Variants in GRM4 observed in about 807,000 individuals in gnomAD.
GRM4 encodes glutamate metabotropic receptor 4, also known as metabotropic glutamate receptor 4.
In GRM4, 28 loss-of-function variants were observed where a neutral mutation model predicts 81.7. The observed-to-expected ratio is 0.34, with a 90% CI of 0.25 to 0.47. GRM4 has a LOEUF of 0.47. Among genes scored for constraint, GRM4 ranks in the 20% least tolerant of loss-of-function variants. The pLI, the probability that GRM4 is intolerant of heterozygous loss-of-function variation, is 1.00. For synonymous variants in GRM4, 488 were observed against 528.8 expected, an observed-to-expected ratio of 0.92 and a Z score of 1.06; for missense variants, 948 against 1,290.0, an observed-to-expected ratio of 0.73 and a Z score of 4.06.
At chr6:34,120,239 C>G (rs1241825359) in intron 2 of GRM4, among the ~76,000 whole-genome samples, 1 of 148,672 alleles carries the variant, frequency 6.7e-6, no homozygotes, top group African/African-American at 2.5e-5. Context: ...CCTCAGGCAC[C>G]CCTCTCCAGC....
intron 5 of GRM4, 152 bp from the exon 6 acceptor site, chr6:34,056,836 AG>A: frequency 2.3e-6 from 2 of 865,978 alleles, no homozygotes; most frequent in Non-Finnish European, 3.5e-6. Context: ...CAAAATGTGG[AG>A]CATTTCGTTT....
intron 3 of GRM4, among the ~76,000 whole-genome samples, chr6:34,073,135 A>ACG (rs1182194946): frequency 6.9e-5 from 9 of 130,956 alleles, no homozygotes; most frequent in African/African-American, 2.7e-4. Flanking sequence ...CACACCACAC[A>ACG]CACACACACA....
At position 34,034,714 on chromosome 6, in the gene GRM4, C is replaced by A. The variant is rs1764602395; in HGVS notation, c.2442+954G>T. On this transcript the variant is annotated intron_variant, in intron 9 of 10. Transcript: ENST00000538487. The surrounding 1 kb of genome is among the most constrained non-coding windows in gnomAD (Gnocchi z 4.0). ...CCTGGAAAGACTGCAGGGAAAGGGA[C>A]ATGGTCCCAATTTACTGATGAAGAA... Among the ~76,000 whole-genome samples the A allele has an allele frequency of 6.6e-6, 1 of 152,248 alleles. No homozygotes were observed. Among genetic ancestry groups the A allele is most frequent in the South Asian group, 2.1e-4 (1 of 4,838 alleles).
At position 34,022,222 on chromosome 6, in the gene GRM4, A is replaced by G; in HGVS notation, c.*599T>C. 1 of 154,454 alleles carries G rather than the reference A, an allele frequency of 6.5e-6. No homozygotes were observed. Among genetic ancestry groups the G allele is most frequent in the Non-Finnish European group, 1.4e-5 (1 of 69,290 alleles). 9.6% of individuals were successfully genotyped at this position (154,454 alleles called of 1,614,324 possible). On this transcript the variant is annotated 3_prime_UTR_variant, in exon 11 of 11. Transcript: ENST00000538487. The surrounding 1 kb of genome is among the most constrained non-coding windows in gnomAD (Gnocchi z 5.6). ...GTTTGGTGAACTGGGGAAGGGTGGCAGGGAGAGGGGAGCAATGGCTGGACG... is the reference window on the plus strand; with the variant it reads ...GTTTGGTGAACTGGGGAAGGGTGGCGGGGAGAGGGGAGCAATGGCTGGACG...
At chr6:34,032,413 C>A (rs1239800265) in intron 9 of GRM4, among the ~76,000 whole-genome samples, 1 of 152,244 alleles carries the variant, frequency 6.6e-6, no homozygotes, top group Non-Finnish European at 1.5e-5. Context: ...TGCACTGGGG[C>A]ATCTTGCAGC....
At chr6:34,145,891 C>T (rs1453162977) in intron 1 of GRM4, 109 bp downstream of exon 1, 2 of 642,324 alleles carry the variant, frequency 3.1e-6, no homozygotes, top group Non-Finnish European at 3.9e-6. Flanking sequence ...GCTCCGCCAC[C>T]CCTCCACACC....
chr6:34,069,647 AGTGTGTGTGT>A lies in GRM4; in HGVS notation c.737-7629_737-7620del, dbSNP rs3222082. The stretch of plus-strand genomic sequence containing the variant: ...GGCTTTACAACCCTTGGCAGCCCCC[AGTGTGTGTGT>A]GTGTGTGTGTGTGTGTGTGTGTGTG... On this transcript the variant is annotated intron_variant, in intron 3 of 10. Coordinates refer to ENST00000538487, the MANE Select transcript of GRM4 (RefSeq NM_000841.4). This position sits in a 1 kb window ranked among gnomAD's most constrained non-coding sequence, Gnocchi z 6.4. Among the ~76,000 whole-genome samples, 5,468 of 144,476 alleles carry A rather than the reference AGTGTGTGTGT, an allele frequency of 0.038. 174 individuals are homozygous for A. Among genetic ancestry groups the A allele is most frequent in the East Asian group, 0.16 (788 of 4,906 alleles). The allele number at this position is 144,476 out of a possible 152,430, so 94.8% of individuals were successfully genotyped here. A position where few individuals can be genotyped will look rare whatever the true frequency, so the allele number is the denominator to read the frequency against.
chr6:34,140,296 GC>G (rs2127516054), intron 1 of GRM4, among the ~76,000 whole-genome samples: 1 of 151,206 alleles, frequency 6.6e-6, no homozygotes, highest in East Asian at 2.0e-4. Flanking sequence ...GAGCAAGGAG[GC>G]CAACGTGACC....
At chr6:34,123,226 G>T (rs917170433) in intron 2 of GRM4, among the ~76,000 whole-genome samples, 1 of 152,170 alleles carries the variant, frequency 6.6e-6, no homozygotes, top group African/African-American at 2.4e-5. Context: ...CCCAGCGCCC[G>T]CAGCAGGGCC....
chr6:34,115,401 G>T lies in GRM4; in HGVS notation c.519+17577C>A, dbSNP rs1321977962. Among the ~76,000 whole-genome samples the T allele has an allele frequency of 1.3e-5, 2 of 152,116 alleles. No homozygotes were observed. Among genetic ancestry groups the T allele is most frequent in the Admixed American group, 6.5e-5 (1 of 15,274 alleles). On this transcript the variant is annotated intron_variant, in intron 2 of 10. Coordinates refer to ENST00000538487, the MANE Select transcript of GRM4 (RefSeq NM_000841.4). This position sits in a 1 kb window ranked among gnomAD's most constrained non-coding sequence, Gnocchi z 4.1. ...CTTCAATTAAAATATCACGGCACCC[G>T]CACCGTCTGCCCGGCCACATGCCCA...
Position 34,036,766 on chromosome 6 carries a change from G to A in GRM4, c.1507-163C>T, listed in dbSNP as rs1764737181. ...CCACAGGGACTTACTGAATCTAACAGCTGGAGTTAAAAAAGGTCTCCGGCA... is the reference window on the plus strand; with the variant it reads ...CCACAGGGACTTACTGAATCTAACAACTGGAGTTAAAAAAGGTCTCCGGCA... On this transcript the variant is annotated intron_variant, in intron 8 of 10. Transcript: ENST00000538487. The surrounding 1 kb of genome is among the most constrained non-coding windows in gnomAD (Gnocchi z 9.0). Among the ~76,000 whole-genome samples the A allele has an allele frequency of 6.6e-6, 1 of 152,184 alleles. No homozygotes were observed. Among genetic ancestry groups the A allele is most frequent in the Non-Finnish European group, 1.5e-5 (1 of 68,040 alleles).
chr6:34,140,568 G>T (rs1770638371), intron 1 of GRM4, among the ~76,000 whole-genome samples: 1 of 152,136 alleles, frequency 6.6e-6, no homozygotes. Context: ...TCCCTGCTCA[G>T]CCTAGAAAAT....
chr6:34,134,846 G>A (rs1770393594), intron 1 of GRM4, among the ~76,000 whole-genome samples: 1 of 152,202 alleles, frequency 6.6e-6, no homozygotes, highest in African/African-American at 2.4e-5. Context: ...TGCAAGAGTA[G>A]AGAAGAGAAC....
intron 8 of GRM4, among the ~76,000 whole-genome samples, chr6:34,038,913 T>G (rs1764849042): frequency 6.6e-6 from 1 of 152,204 alleles, no homozygotes; most frequent in Non-Finnish European, 1.5e-5. Context: ...CTCACAGAGC[T>G]GTCATCTTCA....
intron 10 of GRM4, among the ~76,000 whole-genome samples, chr6:34,025,262 A>G (rs964155952): frequency 3.3e-5 from 5 of 152,128 alleles, no homozygotes; most frequent in African/African-American, 1.2e-4. Flanking sequence ...AGCAGTGGCT[A>G]TGCGAATCAC....
intron 4 of GRM4, chr6:34,061,286 T>C (rs553695588): frequency 6.6e-6 from 1 of 152,320 alleles, no homozygotes; most frequent in South Asian, 2.1e-4. Flanking sequence ...GACAGAGCTG[T>C]GTCTCCCCTC....
chr6:34,050,082 C>A (rs751770534), intron 6 of GRM4, among the ~76,000 whole-genome samples: 1 of 152,238 alleles, frequency 6.6e-6, no homozygotes, highest in Non-Finnish European at 1.5e-5. Flanking sequence ...GTTGCTCCCC[C>A]ATGACCCTAT....
At chr6:34,077,314 C>G (rs1365202163) in intron 3 of GRM4, among the ~76,000 whole-genome samples, 1 of 152,108 alleles carries the variant, frequency 6.6e-6, no homozygotes, top group Admixed American at 6.5e-5. Context: ...GCCCAGGCCC[C>G]TCTCAGGCTG....
intron 10 of GRM4, among the ~76,000 whole-genome samples, chr6:34,025,665 G>C (rs764908822): frequency 6.6e-6 from 1 of 152,194 alleles, no homozygotes; most frequent in Non-Finnish European, 1.5e-5. Flanking sequence ...CTAACAGTGA[G>C]GCTCCAAGGG....
Sources: gnomAD v4.1 joint callset for allele counts (sites outside exome capture counted in the v4.1 genomes callset) on GRCh38, gnomAD v4.1.1 for gene constraint, Gnocchi (gnomAD v3.1) non-coding constraint, MANE v1.5 for transcripts, NCBI Gene and HGNC (gene_info 2026-07-23, HGNC 2026-07-21) for gene names.